Variants in ABTB2 observed in about 807,000 individuals in gnomAD.
ABTB2 encodes the protein ankyrin repeat and BTB/POZ domain-containing protein 2.
In ABTB2, 56 loss-of-function variants were observed where a neutral mutation model predicts 104.1. The ratio of observed to expected loss-of-function variants is 0.54; its 90% CI spans 0.43 to 0.67. ABTB2 has a LOEUF of 0.67. ABTB2 is among the 30% of genes least tolerant of loss of function. ABTB2 has a pLI of 0.00. For synonymous variants in ABTB2, 606 were observed against 608.2 expected (o/e 1.00, Z 0.05); for missense variants, 1,279 against 1,407.7 (o/e 0.91, Z 1.46).
chr11:34,357,928 GA>G lies in ABTB2; in HGVS notation c.-346del. The stretch of plus-strand genomic sequence containing the variant: ...CCGGGAGAACAGGGCGGCGGCGGCA[GA>G]AGGAGGAGGCGGCGGCGCAGGGCGC... On this transcript the variant is annotated 5_prime_UTR_variant, in exon 1 of 17. Coordinates refer to ENST00000435224, the MANE Select transcript of ABTB2 (RefSeq NM_145804.3). 4.1e-6 allele frequency: 1 copy of G among 246,498 alleles called. No individual in the cohort carries two copies. Among genetic ancestry groups the G allele is most frequent in the Non-Finnish European group, 7.7e-6 (1 of 130,126 alleles). The allele number at this position is 246,498 out of a possible 1,614,324, so 15.3% of individuals were successfully genotyped here. A position where few individuals can be genotyped will look rare whatever the true frequency, so the allele number is the denominator to read the frequency against.
chr11:34,160,026 A>G lies in ABTB2; in HGVS notation c.2504-18T>C, dbSNP rs766286581. The G allele has an allele frequency of 1.9e-6, 3 of 1,595,382 alleles. No homozygotes were observed. The highest frequency in any genetic ancestry group is 2.6e-6 in the Non-Finnish European group (3 of 1,164,420). Reference sequence around the variant, plus strand: ...GTGTGGATCTGTGAAAAGCGGGGAGACAGAGGGATATGGCTGAGGAGTCCC... The same window carrying G: ...GTGTGGATCTGTGAAAAGCGGGGAGGCAGAGGGATATGGCTGAGGAGTCCC... On this transcript the variant is annotated intron_variant, in intron 12 of 16. Coordinates refer to ENST00000435224, the MANE Select transcript of ABTB2 (RefSeq NM_145804.3).
chr11:34,299,002 T>C (rs1854663711), intron 1 of ABTB2, among the ~76,000 whole-genome samples: 1 of 152,216 alleles, frequency 6.6e-6, no homozygotes, highest in Non-Finnish European at 1.5e-5. Context: ...GCATAGGAGC[T>C]TTTCAGGGAC....
At chr11:34,178,574 C>A (rs940549148) in intron 3 of ABTB2, among the ~76,000 whole-genome samples, 1 of 152,244 alleles carries the variant, frequency 6.6e-6, no homozygotes, top group African/African-American at 2.4e-5. Context: ...AGTTCTCATT[C>A]CCCGCTTGTT....
intron 1 of ABTB2, among the ~76,000 whole-genome samples, chr11:34,349,298 C>G (rs1019141842): frequency 6.6e-6 from 1 of 152,160 alleles, no homozygotes; most frequent in Non-Finnish European, 1.5e-5. Context: ...CAGAGATGGG[C>G]TTGAGCTCAG....
At chr11:34,268,394 C>T (rs1854274589) in intron 1 of ABTB2, among the ~76,000 whole-genome samples, 1 of 152,178 alleles carries the variant, frequency 6.6e-6, no homozygotes, top group Admixed American at 6.5e-5. Flanking sequence ...TTAGTGGATG[C>T]TAGGGATGGG....
intron 1 of ABTB2, among the ~76,000 whole-genome samples, chr11:34,274,158 CAAAAAAAAAAAAAAAAAAAA>C: frequency 2.0e-5 from 1 of 50,746 alleles, no homozygotes; most frequent in East Asian, 1.8e-3. Context: ...GACTCCGTCT[CAAAAAAAAAAAAAAAAAAAA>C]AAAAAAAAAA....
At position 34,347,589 on chromosome 11, in the gene ABTB2, G is replaced by A. The variant is rs143453510; in HGVS notation, c.883+9112C>T. ...CCTTCCCTTCATAACACTGGAGTCC[G>A]GAAAAAGACCGACACCTGAGTTATT... On this transcript the variant is annotated intron_variant, in intron 1 of 16. Coordinates refer to ENST00000435224, the MANE Select transcript of ABTB2 (RefSeq NM_145804.3). Among the ~76,000 whole-genome samples, 76 of 152,186 alleles carry A rather than the reference G, an allele frequency of 5.0e-4. No homozygotes were observed. In the East Asian group the frequency reaches 6.9e-3, roughly 14 times the overall value.
intron 9 of ABTB2, 110 bp from the exon 10 acceptor site, chr11:34,162,915 AG>A: frequency 1.9e-6 from 2 of 1,065,734 alleles, no homozygotes; most frequent in Non-Finnish European, 2.7e-6. Context: ...GGGGTACCCG[AG>A]GGCTCGGAGT....
intron 1 of ABTB2, among the ~76,000 whole-genome samples, chr11:34,219,951 G>A (rs1853597695): frequency 6.6e-6 from 1 of 152,186 alleles, no homozygotes; most frequent in Non-Finnish European, 1.5e-5. Context: ...ATAACAGGAT[G>A]TTTCAAAAAG....
At chr11:34,184,424 T>C (rs1337032080) in intron 3 of ABTB2, among the ~76,000 whole-genome samples, 1 of 152,114 alleles carries the variant, frequency 6.6e-6, no homozygotes, top group Non-Finnish European at 1.5e-5. Context: ...AAGGTGGCTG[T>C]GGTTCTGCAG....
rs770559101 is a variant in ABTB2 at position 34,167,948 on chromosome 11, C to A, written c.1608G>T (p.Ala536=). 6.2e-6 allele frequency: 10 copies of A among 1,614,248 alleles called. No individual in the cohort carries two copies. The highest frequency in any genetic ancestry group is 1.3e-5 in the African/African-American group (1 of 75,076). ...LMYACAAGDE[A]MVQMLIDAGA... is the part of the protein sequence containing the mutation. ...CAGCATCAATCAACATCTGGACCAT[C>A]GCTTCGTCCCCAGCAGCGCAGGCGT... The change falls in exon 6 of 17, where the codon GCG becomes GCT. Residue 536 remains alanine (A), a synonymous_variant. Coordinates refer to ENST00000435224, the MANE Select transcript of ABTB2 (RefSeq NM_145804.3).
chr11:34,263,485 T>C (rs1025331962), intron 1 of ABTB2, among the ~76,000 whole-genome samples: 2 of 152,162 alleles, frequency 1.3e-5, no homozygotes, highest in African/African-American at 4.8e-5. Context: ...CCCTCATGCT[T>C]ATAAACACAG....
chr11:34,192,140 A>G (rs910376941), intron 3 of ABTB2, among the ~76,000 whole-genome samples: 3 of 152,070 alleles, frequency 2.0e-5, no homozygotes, highest in Non-Finnish European at 4.4e-5. Context: ...AAATTTTTTA[A>G]AAGTTAGCCA....
chr11:34,258,457 G>T (rs1252800498), intron 1 of ABTB2, among the ~76,000 whole-genome samples: 1 of 152,114 alleles, frequency 6.6e-6, no homozygotes, highest in South Asian at 2.1e-4. Context: ...ACAATCCAGT[G>T]TTGCTCTAGG....
At chr11:34,240,491 A>T (rs972125720) in intron 1 of ABTB2, among the ~76,000 whole-genome samples, 1 of 152,250 alleles carries the variant, frequency 6.6e-6, no homozygotes, top group African/African-American at 2.4e-5. Context: ...AGCCAGAAGC[A>T]GAGAAGATCT....
intron 1 of ABTB2, chr11:34,335,003 A>G (rs1432719973): frequency 1.8e-6 from 1 of 553,460 alleles, no homozygotes; most frequent in East Asian, 3.0e-5. Flanking sequence ...AAATTCATAA[A>G]TGCTGAAATA....
At chr11:34,338,610 G>A (rs1277941189) in intron 1 of ABTB2, among the ~76,000 whole-genome samples, 1 of 152,070 alleles carries the variant, frequency 6.6e-6, no homozygotes, top group South Asian at 2.1e-4. Context: ...GGAGGCTGAG[G>A]TGGCAGAATC....
At chr11:34,212,248 G>A (rs559981335) in intron 1 of ABTB2, among the ~76,000 whole-genome samples, 1 of 152,202 alleles carries the variant, frequency 6.6e-6, no homozygotes, top group East Asian at 1.9e-4. Context: ...GTAGAGACGG[G>A]GTTTCGCCAT....
chr11:34,193,864 C>T (rs186796046), intron 3 of ABTB2, among the ~76,000 whole-genome samples: 210 of 152,302 alleles, frequency 1.4e-3, no homozygotes, highest in East Asian at 0.01. Context: ...CAAGGCTGCC[C>T]GCTCACCACT....
Sources: gnomAD v4.1 joint callset for allele counts (sites outside exome capture counted in the v4.1 genomes callset) on GRCh38, gnomAD v4.1.1 for gene constraint, MANE v1.5 for transcripts, NCBI Gene and HGNC (gene_info 2026-07-23, HGNC 2026-07-21) for gene names.